Variants in ADGRE2 observed in about 807,000 individuals in gnomAD.
The protein encoded by ADGRE2 is CD97 antigen.
Under a neutral mutation model 100.8 loss-of-function variants are expected in ADGRE2, and 83 were observed. The ratio of observed to expected loss-of-function variants is 0.82; its 90% CI spans 0.69 to 0.99. The LOEUF is 0.99. Among genes scored for constraint, ADGRE2 ranks in the 50% least tolerant of loss-of-function variants. ADGRE2 has a pLI of 0.00. For synonymous variants in ADGRE2, 355 were observed against 413.0 expected (o/e 0.86, Z 1.70); for missense variants, 814 against 1,035.7 (o/e 0.79, Z 2.94).
intron 4 of ADGRE2, among the ~76,000 whole-genome samples, chr19:14,773,686 A>AT (rs1378743870): frequency 2.7e-5 from 4 of 150,896 alleles, no homozygotes; most frequent in Admixed American, 1.3e-4. Flanking sequence ...TATTTTGTGT[A>AT]TTTTTTGTAG....
chr19:14,771,170 C>A (rs769668317), intron 5 of ADGRE2, among the ~76,000 whole-genome samples: 1 of 152,172 alleles, frequency 6.6e-6, no homozygotes, highest in Non-Finnish European at 1.5e-5. Flanking sequence ...GCTCTACTGA[C>A]TGCAGGGAGA....
intron 15 of ADGRE2, among the ~76,000 whole-genome samples, chr19:14,751,917 A>ATG (rs369314253): frequency 0.4 from 46,820 of 116,780 alleles, 8,052 homozygotes; most frequent in South Asian, 0.58. Context: ...ACACACATAT[A>ATG]TATATATATA....
chr19:14,724,440 G>A, the ADGRE2 span, among the ~76,000 whole-genome samples: 67 of 152,120 alleles, frequency 4.4e-4, 1 homozygote, highest in African/African-American at 1.6e-3. Flanking sequence ...GTCACACTTG[G>A]TTGATTTATT....
At chr19:14,777,162 CG>C (rs2044475286) in intron 1 of ADGRE2, 1 of 932,636 alleles carries the variant, frequency 1.1e-6, no homozygotes, top group African/African-American at 1.8e-5. Flanking sequence ...CCGGGCGGGG[CG>C]GTCTCGCCTG....
At chr19:14,737,976 CAAA>C (rs1313610745) in intron 20 of ADGRE2, among the ~76,000 whole-genome samples, 2 of 102,308 alleles carry the variant, frequency 2.0e-5, no homozygotes, top group Admixed American at 1.1e-4. Context: ...AACTCCCTCT[CAAA>C]AAAAAAAAAA....
At chr19:14,742,705 A>G (rs748539833) in intron 20 of ADGRE2, among the ~76,000 whole-genome samples, 10 of 152,268 alleles carry the variant, frequency 6.6e-5, no homozygotes, top group South Asian at 2.1e-4. Context: ...ATTTCCTCCC[A>G]TGCTTGCCTT....
chr19:14,744,517 G>A (rs758852410), intron 18 of ADGRE2, among the ~76,000 whole-genome samples: 6 of 151,994 alleles, frequency 3.9e-5, no homozygotes, highest in Admixed American at 1.3e-4. Flanking sequence ...GTGCAGTGGC[G>A]TGATCTTGGC....
At chr19:14,775,300 T>C (rs1269343567) in intron 2 of ADGRE2, among the ~76,000 whole-genome samples, 1 of 152,032 alleles carries the variant, frequency 6.6e-6, no homozygotes, top group African/African-American at 2.4e-5. Flanking sequence ...CCATCACGCC[T>C]GGCCAAAAAA....
Position 14,774,308 on chromosome 19 carries a change from T to C in ADGRE2, c.32-2A>G. On this transcript the variant is annotated splice_acceptor_variant, in intron 2 of 20. Coordinates refer to ENST00000315576, the MANE Select transcript of ADGRE2 (RefSeq NM_013447.4). LOFTEE classifies it high-confidence loss of function. ...GCAGAGTCAGCCAGACACAGAATGC[T>C]GCAACAGAGAAAGGAAAGGGGGTCA... 1.9e-6 allele frequency: 3 copies of C among 1,571,652 alleles called. No individual in the cohort carries two copies. Among genetic ancestry groups the C allele is most frequent in the Non-Finnish European group, 2.6e-6 (3 of 1,153,808 alleles).
At chr19:14,776,680 T>C in intron 2 of ADGRE2, 46 bp downstream of exon 2, 1 of 1,591,994 alleles carries the variant, frequency 6.3e-7, no homozygotes, top group Non-Finnish European at 8.6e-7. Context: ...GGGGTCCCGC[T>C]GGAGCTTCCT....
At chr19:14,745,048 C>A (rs2043046540) in intron 18 of ADGRE2, among the ~76,000 whole-genome samples, 1 of 151,958 alleles carries the variant, frequency 6.6e-6, no homozygotes, top group Non-Finnish European at 1.5e-5. Context: ...CGCCACCACG[C>A]CCAGCTAATT....
chr19:14,775,917 A>C (rs1108014), intron 2 of ADGRE2, among the ~76,000 whole-genome samples: 91,340 of 149,408 alleles, frequency 0.61, 28,658 homozygotes, highest in African/African-American at 0.74. Flanking sequence ...ATGCCCTGGA[A>C]CCGCATGCTT....
rs200299406 is a variant in ADGRE2 at position 14,768,191 on chromosome 19, TCCA to T, written c.356-1085_356-1083del. The stretch of plus-strand genomic sequence containing the variant: ...TCCACACTAGCTCTGAGAGCCCAGC[TCCA>T]GGCACATGGACCAAGACTGGCCCCT... On this transcript the variant is annotated intron_variant, in intron 5 of 20. Coordinates refer to ENST00000315576, the MANE Select transcript of ADGRE2 (RefSeq NM_013447.4). Among the ~76,000 whole-genome samples the T allele has an allele frequency of 8.2e-3, 1,249 of 152,228 alleles. 18 individuals carry two copies. Among genetic ancestry groups the T allele is most frequent in the African/African-American group, 0.028 (1,184 of 41,546 alleles).
chr19:14,734,507 C>A lies in ADGRE2; in HGVS notation c.*1729G>T, dbSNP rs1253539628. ...TTGTACTCCAGCATGGGTGACAAAG[C>A]AAGACCCTGCCTCAAAAAAAATTAG... On this transcript the variant is annotated 3_prime_UTR_variant, in exon 21 of 21. Coordinates refer to ENST00000315576, the MANE Select transcript of ADGRE2 (RefSeq NM_013447.4). 1.3e-5 allele frequency: 2 copies of A among 152,162 alleles called. No homozygotes were observed. The highest frequency in any genetic ancestry group is 4.8e-5 in the African/African-American group (2 of 41,428). 9.4% of individuals were successfully genotyped at this position (152,162 alleles called of 1,614,324 possible).
intron 4 of ADGRE2, among the ~76,000 whole-genome samples, chr19:14,773,175 A>G (rs1353207436): frequency 1.3e-5 from 2 of 150,924 alleles, no homozygotes; most frequent in African/African-American, 4.9e-5. Context: ...CCCAGTCTTA[A>G]CGGTAAACTG....
At chr19:14,761,005 C>T (rs117819314) in intron 11 of ADGRE2, among the ~76,000 whole-genome samples, 1,861 of 152,256 alleles carry the variant, frequency 0.012, 26 homozygotes, top group Middle Eastern at 0.024. Context: ...TCTGGAAGCA[C>T]CCGCCCCACA....
intron 11 of ADGRE2, among the ~76,000 whole-genome samples, chr19:14,759,021 A>G (rs750127865): frequency 4.6e-5 from 7 of 152,140 alleles, no homozygotes; most frequent in Non-Finnish European, 1.0e-4. Context: ...CGATTTACAT[A>G]AGGCTTAAAG....
intron 11 of ADGRE2, among the ~76,000 whole-genome samples, chr19:14,760,710 AAGACT>A (rs2043685907): frequency 6.6e-6 from 1 of 152,170 alleles, no homozygotes; most frequent in Non-Finnish European, 1.5e-5. Context: ...TTTAACTGGA[AAGACT>A]AGTTCAGGCT....
intron 5 of ADGRE2, 53 bp from the exon 6 acceptor site, chr19:14,767,162 G>A: frequency 6.3e-7 from 1 of 1,593,722 alleles, no homozygotes; most frequent in Non-Finnish European, 8.6e-7. Flanking sequence ...GCAGCTTTCG[G>A]GGCTGAGGGT....
Sources: allele counts gnomAD v4.1 joint callset (sites outside exome capture counted in the v4.1 genomes callset), GRCh38; gene constraint gnomAD v4.1.1; transcripts MANE v1.5; gene names NCBI Gene and HGNC (gene_info 2026-07-23, HGNC 2026-07-21).